Variants in XRCC4 observed in about 807,000 individuals in gnomAD.
XRCC4 encodes X-ray repair cross complementing 4.
A neutral mutation model predicts 39.1 loss-of-function variants in XRCC4; 28 were observed. The observed-to-expected ratio is 0.72, with a 90% confidence interval of 0.53 to 0.98. The LOEUF (loss-of-function observed/expected upper bound fraction) is 0.98, where lower values mean the gene tolerates loss of function less well. XRCC4 is among the 50% of genes least tolerant of loss of function. The pLI, the probability that XRCC4 is intolerant of heterozygous loss-of-function variation, is 0.00. For missense variants in XRCC4, 350 were observed against 376.4 expected, an observed-to-expected ratio of 0.93 and a Z score of 0.58; for synonymous variants, 123 against 126.4, an observed-to-expected ratio of 0.97 and a Z score of 0.18.
chr5:83,353,346 T>C lies in XRCC4; in HGVS notation c.*104T>C. The C allele has an allele frequency of 1.2e-6, 1 of 857,400 alleles. No homozygotes were observed. The highest frequency in any genetic ancestry group is 2.6e-5 in the Admixed American group (1 of 37,836). 53.1% of individuals were successfully genotyped at this position (857,400 alleles called of 1,614,324 possible). ...GTCAGCAGCCGCTATTACCGTATCT[T>C]ACAATTTAATTACATACACAGTGAA... On this transcript the variant is annotated 3_prime_UTR_variant, in exon 8 of 8. Coordinates refer to ENST00000396027, the MANE Select transcript of XRCC4 (RefSeq NM_003401.5).
At chr5:83,364,497 T>C in the XRCC4 span, among the ~76,000 whole-genome samples, 1 of 152,178 alleles carries the variant, frequency 6.6e-6, no homozygotes, top group African/African-American at 2.4e-5. Context: ...AGATTTTCTT[T>C]CACTTCCCTT....
At chr5:83,159,067 A>C (rs886994526) in intron 3 of XRCC4, among the ~76,000 whole-genome samples, 1 of 152,148 alleles carries the variant, frequency 6.6e-6, no homozygotes, top group African/African-American at 2.4e-5. Flanking sequence ...GGATTCTTGT[A>C]ACTACAGAAT....
intron 3 of XRCC4, among the ~76,000 whole-genome samples, chr5:83,188,594 C>T (rs541512243): frequency 1.1e-3 from 172 of 152,172 alleles, no homozygotes; most frequent in African/African-American, 4.0e-3. Context: ...TCTGTTCCTG[C>T]TGAGGGCCTC....
chr5:83,205,767 C>T (rs1751396221), intron 6 of XRCC4, among the ~76,000 whole-genome samples: 1 of 151,676 alleles, frequency 6.6e-6, no homozygotes, highest in Non-Finnish European at 1.5e-5. Flanking sequence ...TTGATAAGTG[C>T]TAAAGAGAAA....
intron 3 of XRCC4, among the ~76,000 whole-genome samples, chr5:83,187,331 T>A (rs1413426969): frequency 1.3e-5 from 2 of 152,214 alleles, no homozygotes; most frequent in African/African-American, 4.8e-5. Context: ...GTGTCTCTAA[T>A]TTTAAGTATT....
At chr5:83,121,792 C>A (rs759889948) in intron 3 of XRCC4, among the ~76,000 whole-genome samples, 1 of 152,068 alleles carries the variant, frequency 6.6e-6, no homozygotes, top group Non-Finnish European at 1.5e-5. Flanking sequence ...TGCAGACTTA[C>A]GCTTTCATGC....
At chr5:83,169,453 T>A (rs1749628321) in intron 3 of XRCC4, among the ~76,000 whole-genome samples, 1 of 152,186 alleles carries the variant, frequency 6.6e-6, no homozygotes, top group Admixed American at 6.5e-5. Flanking sequence ...AGCATTTTTT[T>A]GTTTTCTTTG....
chr5:83,245,258 T>C (rs1170092335), intron 6 of XRCC4, among the ~76,000 whole-genome samples: 1 of 151,810 alleles, frequency 6.6e-6, no homozygotes, highest in Non-Finnish European at 1.5e-5. Flanking sequence ...TATTCAGCGC[T>C]TAAATCATTA....
At chr5:83,260,246 C>T (rs1753704102) in intron 7 of XRCC4, among the ~76,000 whole-genome samples, 1 of 152,030 alleles carries the variant, frequency 6.6e-6, no homozygotes, top group African/African-American at 2.4e-5. Flanking sequence ...AATTTACAGA[C>T]ATTGAAATAG....
intron 1 of XRCC4, among the ~76,000 whole-genome samples, chr5:83,093,009 G>T (rs542417472): frequency 0.019 from 2,090 of 107,346 alleles, 59 homozygotes; most frequent in African/African-American, 0.068. Context: ...AGGAGTAAAT[G>T]AATGGACACA....
chr5:83,097,053 A>G (rs1298069489), intron 1 of XRCC4, among the ~76,000 whole-genome samples: 4 of 152,228 alleles, frequency 2.6e-5, no homozygotes, highest in Non-Finnish European at 5.9e-5. Flanking sequence ...CCCAAGGGTT[A>G]TACTCAGAAC....
At chr5:83,078,704 C>G (rs1328887172) in intron 1 of XRCC4, among the ~76,000 whole-genome samples, 1 of 152,166 alleles carries the variant, frequency 6.6e-6, no homozygotes, top group African/African-American at 2.4e-5. Context: ...CACAAATTAG[C>G]AAGTATTTAC....
chr5:83,297,969 G>T (rs1755151668), intron 7 of XRCC4, among the ~76,000 whole-genome samples: 1 of 151,862 alleles, frequency 6.6e-6, no homozygotes, highest in African/African-American at 2.4e-5. Flanking sequence ...AATGTATTCA[G>T]TTTAAAATAC....
intron 3 of XRCC4, among the ~76,000 whole-genome samples, chr5:83,181,547 C>T (rs1486628929): frequency 6.6e-6 from 1 of 152,102 alleles, no homozygotes; most frequent in South Asian, 2.1e-4. Context: ...CTTTAAGCAT[C>T]TGCATGCCTG....
intron 6 of XRCC4, among the ~76,000 whole-genome samples, chr5:83,235,325 A>T: frequency 7.7e-6 from 1 of 130,692 alleles, no homozygotes; most frequent in African/African-American, 3.3e-5. Flanking sequence ...ACAGATCAAG[A>T]CCCTATCTCA....
chr5:83,103,969 C>T (rs1461191514), intron 1 of XRCC4, among the ~76,000 whole-genome samples: 3 of 152,182 alleles, frequency 2.0e-5, no homozygotes, highest in African/African-American at 7.2e-5. Flanking sequence ...CTAGGTACTA[C>T]TTACATGGAT....
intron 3 of XRCC4, among the ~76,000 whole-genome samples, chr5:83,115,725 C>G (rs564923558): frequency 6.6e-6 from 1 of 152,286 alleles, no homozygotes; most frequent in East Asian, 1.9e-4. Context: ...AACAAATGTT[C>G]ACAAGTAATG....
At chr5:83,123,076 T>C (rs1370359412) in intron 3 of XRCC4, among the ~76,000 whole-genome samples, 1 of 152,152 alleles carries the variant, frequency 6.6e-6, no homozygotes, top group Non-Finnish European at 1.5e-5. Context: ...GGTGTTAAGT[T>C]TTCTATATTC....
intron 7 of XRCC4, among the ~76,000 whole-genome samples, chr5:83,302,454 G>C (rs908181782): frequency 6.6e-6 from 1 of 152,128 alleles, no homozygotes; most frequent in East Asian, 1.9e-4. Context: ...GGAGTTCCCC[G>C]ATCCCTTGCG....
Sources: allele counts gnomAD v4.1 joint callset (sites outside exome capture counted in the v4.1 genomes callset), GRCh38; gene constraint gnomAD v4.1.1; transcripts MANE v1.5; gene names NCBI Gene and HGNC (gene_info 2026-07-23, HGNC 2026-07-21).